LHFPL3: variants seen among roughly 807,000 people sequenced by gnomAD.
The protein encoded by LHFPL3 is LHFPL tetraspan subfamily member 3.
Under a neutral mutation model 19.3 loss-of-function variants are expected in LHFPL3, and 5 were observed. The observed-to-expected ratio is 0.26, with a 90% CI of 0.14 to 0.54. LHFPL3 has a LOEUF of 0.54. Among genes scored for constraint, LHFPL3 ranks in the 20% least tolerant of loss-of-function variants. LHFPL3 has a pLI of 0.94. For missense variants in LHFPL3, 249 were observed against 307.4 expected, an observed-to-expected ratio of 0.81 and a Z score of 1.42; for synonymous variants, 133 against 126.2, an observed-to-expected ratio of 1.05 and a Z score of -0.36.
At chr7:104,593,738 A>G (rs888428153) in intron 1 of LHFPL3, among the ~76,000 whole-genome samples, 1 of 152,122 alleles carries the variant, frequency 6.6e-6, no homozygotes, top group African/African-American at 2.4e-5. Flanking sequence ...TTGGGTGCAT[A>G]TATATTTAGG....
At chr7:104,887,274 G>C (rs1267089478) in intron 2 of LHFPL3, among the ~76,000 whole-genome samples, 1 of 152,196 alleles carries the variant, frequency 6.6e-6, no homozygotes, top group East Asian at 1.9e-4. Context: ...ACCCTAGCTT[G>C]GGTTCCCCCA....
At chr7:104,457,615 T>C in intron 1 of LHFPL3, among the ~76,000 whole-genome samples, 1 of 148,056 alleles carries the variant, frequency 6.8e-6, no homozygotes. Context: ...TTTATAGTCC[T>C]TTGGGTATAT....
Position 104,712,242 on chromosome 7 carries a change from A to G in LHFPL3, c.446-24433A>G, listed in dbSNP as rs1274910586. ...GTTTGGGCTATTACAACAAAGTGCCATGGACTGGGTGGCTTAGATGATGGA... is the reference window on the plus strand; with the variant it reads ...GTTTGGGCTATTACAACAAAGTGCCGTGGACTGGGTGGCTTAGATGATGGA... On this transcript the variant is annotated intron_variant, in intron 1 of 2. Transcript: ENST00000424859. Among the ~76,000 whole-genome samples, 5 of 152,208 alleles carry G rather than the reference A, an allele frequency of 3.3e-5. No homozygotes were observed. In the East Asian group the frequency reaches 9.6e-4, roughly 29 times the overall value.
chr7:104,431,047 A>C (rs918327369), intron 1 of LHFPL3, among the ~76,000 whole-genome samples: 6 of 152,176 alleles, frequency 3.9e-5, no homozygotes, highest in Non-Finnish European at 1.5e-5. Context: ...AAAATGCTCA[A>C]TTCCTTCTTA....
At chr7:104,596,999 C>T (rs1790875776) in intron 1 of LHFPL3, among the ~76,000 whole-genome samples, 1 of 152,158 alleles carries the variant, frequency 6.6e-6, no homozygotes, top group Non-Finnish European at 1.5e-5. Flanking sequence ...TACAGGAGCT[C>T]ATAAACACTA....
chr7:104,650,427 A>G (rs1226404812), intron 1 of LHFPL3, among the ~76,000 whole-genome samples: 2 of 152,184 alleles, frequency 1.3e-5, no homozygotes, highest in Non-Finnish European at 2.9e-5. Context: ...GCTTCCCCCT[A>G]CTTAGCGAGC....
chr7:104,590,540 G>T (rs1483746969), intron 1 of LHFPL3, among the ~76,000 whole-genome samples: 1 of 152,150 alleles, frequency 6.6e-6, no homozygotes, highest in African/African-American at 2.4e-5. Flanking sequence ...CAACTATGTG[G>T]TCAGTTTTGG....
chr7:104,761,099 A>T (rs1303226086), intron 2 of LHFPL3, among the ~76,000 whole-genome samples: 2 of 152,164 alleles, frequency 1.3e-5, no homozygotes, highest in African/African-American at 4.8e-5. Flanking sequence ...GGGAGCATTT[A>T]TGTGTTCAAA....
chr7:104,694,933 G>A (rs1402813099), intron 1 of LHFPL3, among the ~76,000 whole-genome samples: 1 of 152,214 alleles, frequency 6.6e-6, no homozygotes, highest in African/African-American at 2.4e-5. Flanking sequence ...TAACTTGAAG[G>A]TGTCTGGTGA....
intron 1 of LHFPL3, among the ~76,000 whole-genome samples, chr7:104,543,286 A>G (rs1426984856): frequency 6.6e-6 from 1 of 152,074 alleles, no homozygotes; most frequent in Non-Finnish European, 1.5e-5. Flanking sequence ...GAGGATGTGG[A>G]GAAATAGGAA....
intron 1 of LHFPL3, among the ~76,000 whole-genome samples, chr7:104,354,420 A>G (rs1790235072): frequency 6.6e-6 from 1 of 152,162 alleles, no homozygotes; most frequent in Non-Finnish European, 1.5e-5. Context: ...GGGCACACAT[A>G]TGCTAACTTG....
intron 1 of LHFPL3, among the ~76,000 whole-genome samples, chr7:104,593,114 G>C (rs546947023): frequency 8.6e-5 from 13 of 151,986 alleles, no homozygotes; most frequent in East Asian, 7.7e-4. Context: ...TTCTCTAGTT[G>C]TTTTAATTGT....
At chr7:104,706,940 A>T (rs538550780) in intron 1 of LHFPL3, among the ~76,000 whole-genome samples, 38 of 134,546 alleles carry the variant, frequency 2.8e-4, no homozygotes, top group Non-Finnish European at 4.7e-4. Context: ...TGACTACAAG[A>T]CCTGATGCCC....
At chr7:104,618,421 G>A (rs774621347) in intron 1 of LHFPL3, among the ~76,000 whole-genome samples, 2 of 152,156 alleles carry the variant, frequency 1.3e-5, no homozygotes. Flanking sequence ...AAGAGATCTT[G>A]CCCAAAGCGT....
rs531366668 is a variant in LHFPL3, at chr7:104,360,753, A to G, written c.445+31529A>G. On this transcript the variant is annotated intron_variant, in intron 1 of 2. Transcript: ENST00000424859. ...TGTGTGTGTGTGTGTATACATTTACATACTTCTTGCCCAGGATGAAAACAA... is the reference window on the plus strand; with the variant it reads ...TGTGTGTGTGTGTGTATACATTTACGTACTTCTTGCCCAGGATGAAAACAA... Among the ~76,000 whole-genome samples the G allele has an allele frequency of 3.4e-3, 505 of 150,390 alleles. 3 individuals are homozygous for G. Among genetic ancestry groups the G allele is most frequent in the African/African-American group, 0.012 (482 of 40,824 alleles).
At chr7:104,549,880 G>T (rs768181988) in intron 1 of LHFPL3, among the ~76,000 whole-genome samples, 5 of 152,184 alleles carry the variant, frequency 3.3e-5, no homozygotes, top group Admixed American at 2.0e-4. Context: ...TAATATCATA[G>T]AACTGTAAAA....
At chr7:104,379,462 A>G (rs1790781301) in intron 1 of LHFPL3, among the ~76,000 whole-genome samples, 1 of 152,220 alleles carries the variant, frequency 6.6e-6, no homozygotes. Context: ...CCAAGAGGCT[A>G]GTAATGGGGT....
intron 1 of LHFPL3, among the ~76,000 whole-genome samples, chr7:104,475,579 T>C (rs1335614863): frequency 6.6e-6 from 1 of 152,174 alleles, no homozygotes; most frequent in South Asian, 2.1e-4. Context: ...ATGGTTGAGA[T>C]GGTCGATTTT....
chr7:104,481,865 A>G (rs1793142957), intron 1 of LHFPL3, among the ~76,000 whole-genome samples: 1 of 152,194 alleles, frequency 6.6e-6, no homozygotes, highest in Admixed American at 6.5e-5. Context: ...AGGTGACTGA[A>G]GTAGGTGACT....
Sources: gnomAD v4.1 joint callset for allele counts (sites outside exome capture counted in the v4.1 genomes callset) on GRCh38, gnomAD v4.1.1 for gene constraint, MANE v1.5 for transcripts, NCBI Gene and HGNC (gene_info 2026-07-23, HGNC 2026-07-21) for gene names.